Variants in DRC8 observed in about 807,000 individuals in gnomAD.
The protein encoded by DRC8 is dynein regulatory complex subunit 8, also known as dynein regulatory complex protein 8.
the DRC8 span, among the ~76,000 whole-genome samples, chr1:245,026,769 TACAA>T: frequency 6.6e-5 from 10 of 152,190 alleles, no homozygotes; most frequent in Admixed American, 6.5e-4. Context: ...TTTAAAAAAT[TACAA>T]AAGGACGGAA....
chr1:245,010,684 T>TC, the DRC8 span, among the ~76,000 whole-genome samples: 3,369 of 147,576 alleles, frequency 0.023, 136 homozygotes, highest in African/African-American at 0.08. Flanking sequence ...TTTCTTTCTT[T>TC]TTTTTTTTTT....
At chr1:245,072,376 G>A in the DRC8 span, among the ~76,000 whole-genome samples, 1 of 152,124 alleles carries the variant, frequency 6.6e-6, no homozygotes, top group African/African-American at 2.4e-5. Flanking sequence ...AGCAGCTGGG[G>A]TTACAGGCAC....
the DRC8 span, among the ~76,000 whole-genome samples, chr1:245,010,861 T>G: frequency 6.6e-6 from 1 of 151,926 alleles, no homozygotes; most frequent in Non-Finnish European, 1.5e-5. Flanking sequence ...TTTTGCATTT[T>G]TAGTAGAGAT....
chr1:245,090,464 G>A, the DRC8 span, among the ~76,000 whole-genome samples: 1 of 142,952 alleles, frequency 7.0e-6, no homozygotes. Flanking sequence ...TGTTCCCTGC[G>A]TTGCAGGCAC....
the DRC8 span, among the ~76,000 whole-genome samples, chr1:245,044,334 T>C: frequency 2.0e-5 from 3 of 152,222 alleles, no homozygotes; most frequent in Non-Finnish European, 2.9e-5. Context: ...TCAGGACTTT[T>C]TGCCTATGAG....
At chr1:244,983,528 T>G in the DRC8 span, among the ~76,000 whole-genome samples, 1 of 151,936 alleles carries the variant, frequency 6.6e-6, no homozygotes, top group Non-Finnish European at 1.5e-5. Context: ...CCACTTGAGG[T>G]CAGGAGTTTG....
chr1:245,077,076 G>T, the DRC8 span, among the ~76,000 whole-genome samples: 1 of 152,004 alleles, frequency 6.6e-6, no homozygotes, highest in African/African-American at 2.4e-5. Context: ...TCAGACTTCT[G>T]CTTGATGATA....
chr1:245,008,791 C>T, the DRC8 span, among the ~76,000 whole-genome samples: 1 of 151,636 alleles, frequency 6.6e-6, no homozygotes, highest in African/African-American at 2.4e-5. Flanking sequence ...ATGTCAGCCT[C>T]CCGAGTAGTT....
At chr1:245,010,770 CT>C in the DRC8 span, among the ~76,000 whole-genome samples, 1 of 150,166 alleles carries the variant, frequency 6.7e-6, no homozygotes, top group South Asian at 2.1e-4. Flanking sequence ...CAAGCTCTGC[CT>C]TCCGGGTTCA....
At chr1:244,993,949 TTTTTTGGTATAC>T in the DRC8 span, among the ~76,000 whole-genome samples, 5 of 152,202 alleles carry the variant, frequency 3.3e-5, no homozygotes, top group African/African-American at 9.6e-5. Flanking sequence ...GATACATTTT[TTTTTTGGTATAC>T]TTTTTGGTAT....
chr1:245,071,683 T>TA, the DRC8 span, among the ~76,000 whole-genome samples: 2 of 151,848 alleles, frequency 1.3e-5, no homozygotes, highest in East Asian at 3.9e-4. Flanking sequence ...ATCAATAAGC[T>TA]AAAAAAAATA....
At chr1:244,995,396 C>G in the DRC8 span, among the ~76,000 whole-genome samples, 1 of 151,980 alleles carries the variant, frequency 6.6e-6, no homozygotes, top group African/African-American at 2.4e-5. Flanking sequence ...CTCACTCTAT[C>G]CCCCAGGCTG....
At chr1:245,033,288 C>A in the DRC8 span, among the ~76,000 whole-genome samples, 2 of 152,248 alleles carry the variant, frequency 1.3e-5, no homozygotes, top group Non-Finnish European at 2.9e-5. Context: ...TGGCAAGTAA[C>A]TATCCCTTTT....
At chr1:244,996,878 G>A in the DRC8 span, among the ~76,000 whole-genome samples, 2 of 152,094 alleles carry the variant, frequency 1.3e-5, no homozygotes, top group African/African-American at 4.8e-5. Flanking sequence ...GGCATGTGGC[G>A]GGGATAGGCT....
the DRC8 span, among the ~76,000 whole-genome samples, chr1:245,005,919 A>C: frequency 6.6e-6 from 1 of 152,034 alleles, no homozygotes; most frequent in South Asian, 2.1e-4. Context: ...AGTGTCCGTC[A>C]CAAAGGCGGA....
At chr1:245,075,468 A>G in the DRC8 span, 1 of 152,258 alleles carries the variant, frequency 6.6e-6, no homozygotes, top group African/African-American at 2.4e-5. Flanking sequence ...GAGACTGTGG[A>G]GTGCCGGAAG....
At chr1:245,036,591 A>G in the DRC8 span, among the ~76,000 whole-genome samples, 2 of 152,232 alleles carry the variant, frequency 1.3e-5, no homozygotes, top group African/African-American at 4.8e-5. Flanking sequence ...GAAACAACTC[A>G]TGTCAATCAG....
At chr1:245,107,099 G>C in the DRC8 span, 16 of 152,312 alleles carry the variant, frequency 1.1e-4, no homozygotes, top group African/African-American at 3.8e-4. Flanking sequence ...ATGGGAACTA[G>C]AACTATTTCC....
At chr1:245,083,698 AT>A in the DRC8 span, 13 of 1,603,252 alleles carry the variant, frequency 8.1e-6, no homozygotes, top group African/African-American at 9.4e-5. Context: ...GGTAAGTGTG[AT>A]TTATTACTTA....
Sources: gnomAD v4.1 joint callset for allele counts (sites outside exome capture counted in the v4.1 genomes callset) on GRCh38, gnomAD v4.1.1 for gene constraint, MANE v1.5 for transcripts, NCBI Gene and HGNC (gene_info 2026-07-23, HGNC 2026-07-21) for gene names.